ZBED6: variants seen among roughly 807,000 people sequenced by gnomAD.
ZBED6 encodes zinc finger BED-type containing 6.
ZBED6 carries 40 observed loss-of-function variants against 58.4 expected under a neutral mutation model. The ratio of observed to expected loss-of-function variants is 0.68; its 90% CI spans 0.53 to 0.89. ZBED6 has a LOEUF of 0.89. Among genes scored for constraint, ZBED6 ranks in the 40% least tolerant of loss-of-function variants. ZBED6 has a pLI of 0.00. For synonymous variants in ZBED6, 439 were observed against 350.6 expected, an observed-to-expected ratio of 1.25 and a Z score of -2.82; for missense variants, 1,057 against 1,003.9, an observed-to-expected ratio of 1.05 and a Z score of -0.71.
exon 17 of ZBED6, chr1:203,852,206 C>T (rs1020269845): frequency 3.1e-6 from 5 of 1,613,536 alleles, no homozygotes; most frequent in African/African-American, 1.3e-5. Context: ...GGCCCTTCCT[C>T]ATCCCAAATG....
intron 10 of ZBED6, 56 bp downstream of exon 10, chr1:203,838,120 G>A: frequency 1.3e-6 from 2 of 1,493,346 alleles, no homozygotes; most frequent in Non-Finnish European, 1.9e-6. Flanking sequence ...CTTGTGTCTT[G>A]TAATGCTAAC....
chr1:203,796,520 C>A (rs1283786279), exon 1 of ZBED6: 3 of 398,820 alleles, frequency 7.5e-6, no homozygotes, highest in Non-Finnish European at 1.3e-5. Flanking sequence ...TGGGGAAGGC[C>A]TATATTGTTG....
chr1:203,823,496 C>A (rs1460053015), intron 3 of ZBED6, among the ~76,000 whole-genome samples: 1 of 152,208 alleles, frequency 6.6e-6, no homozygotes, highest in Non-Finnish European at 1.5e-5. Context: ...AGATGTTCAG[C>A]ATTAACCATA....
rs746263006 is a variant in ZBED6, at chr1:203,849,678, G to C, written c.*4323-33G>C. ...ATCATACAGGTTATTAGAGGTACCA[G>C]ATTTTAATTCTGTCATTCAAATTTA... On this transcript the variant is annotated intron_variant, in intron 13 of 16. Coordinates refer to ENST00000550078, the Ensembl canonical transcript of ZBED6. 9 of 1,604,902 alleles carry C rather than the reference G, an allele frequency of 5.6e-6. No individual in the cohort carries two copies. In the South Asian group the frequency reaches 7.7e-5, roughly 14 times the overall value.
chr1:203,814,594 A>G (rs1675628963), intron 1 of ZBED6, among the ~76,000 whole-genome samples: 1 of 152,050 alleles, frequency 6.6e-6, no homozygotes, highest in South Asian at 2.1e-4. Flanking sequence ...CTGAAACCTC[A>G]CCATAAGTAC....
Position 203,837,954 on chromosome 1 carries a change from C to A in ZBED6, c.*3574-12C>A. 1 of 1,603,734 alleles carries A rather than the reference C, an allele frequency of 6.2e-7. No individual in the cohort carries two copies. The highest frequency in any genetic ancestry group is 1.3e-5 in the African/African-American group (1 of 74,446). ...GACTTGAAATCTTAAACTAAGTTCT[C>A]CCTCTTTATAGGCGGTGACAGTGAT... On this transcript the variant is annotated splice_polypyrimidine_tract_variant and intron_variant, in intron 9 of 16. Transcript: ENST00000550078.
intron 10 of ZBED6, among the ~76,000 whole-genome samples, chr1:203,838,472 G>A (rs1685059655): frequency 6.6e-6 from 1 of 152,252 alleles, no homozygotes; most frequent in African/African-American, 2.4e-5. Context: ...TCGAGAGCCA[G>A]AGACTGTGTC....
Position 203,797,416 on chromosome 1 carries a change from T to A in ZBED6, c.-107T>A. ...GGTCCAGTGGGAATTTGATTCCCCA[T>A]AGAAACTGGAGAAAAGGTAATGCAA... is the stretch of plus-strand genomic sequence containing the variant. On this transcript the variant is annotated 5_prime_UTR_variant, in exon 1 of 17. An upstream open reading frame in the 5' UTR loses its in-frame stop. Transcript: ENST00000550078. 1 of 1,134,262 alleles carries A rather than the reference T, an allele frequency of 8.8e-7. No homozygotes were observed. Among genetic ancestry groups the A allele is most frequent in the Non-Finnish European group, 1.2e-6 (1 of 842,442 alleles). 70.3% of individuals were successfully genotyped at this position (1,134,262 alleles called of 1,614,324 possible). A position where few individuals can be genotyped will look rare whatever the true frequency, so the allele number is the denominator to read the frequency against.
At chr1:203,811,822 C>CTTTTTTTTTTTTTTTTT (rs766087522) in intron 1 of ZBED6, among the ~76,000 whole-genome samples, 1 of 133,456 alleles carries the variant, frequency 7.5e-6, no homozygotes, top group African/African-American at 2.8e-5. Context: ...TTGTCTTTTT[C>CTTTTTTTTTTTTTTTTT]TTTTTTTTTT....
intron 1 of ZBED6, chr1:203,806,272 G>T: frequency 3.5e-6 from 1 of 287,576 alleles, no homozygotes. Context: ...ATCTTGAGTG[G>T]CTGTAAAGGA....
intron 12 of ZBED6, 56 bp downstream of exon 12, chr1:203,847,743 T>C (rs762925955): frequency 9.6e-6 from 15 of 1,563,142 alleles, no homozygotes; most frequent in Non-Finnish European, 1.3e-5. Flanking sequence ...TCCAGAGGAG[T>C]GTTCCGTGGG....
exon 17 of ZBED6, chr1:203,852,264 A>G: frequency 1.2e-6 from 2 of 1,612,864 alleles, no homozygotes; most frequent in Non-Finnish European, 1.7e-6. Flanking sequence ...GAAAGCCCCC[A>G]CTCTCTGTGG....
chr1:203,802,363 A>G (rs1670779781), exon 1 of ZBED6: 1 of 152,562 alleles, frequency 6.6e-6, no homozygotes, highest in Non-Finnish European at 1.5e-5. Flanking sequence ...CCAAATCTAA[A>G]GTCTTTTATA....
At chr1:203,797,576 A>G (rs1253696744) in exon 1 of ZBED6, 2 of 1,533,106 alleles carry the variant, frequency 1.3e-6, no homozygotes, top group Non-Finnish European at 1.7e-6. Context: ...CTGGCAGAAG[A>G]TGCAACACTT....
intron 3 of ZBED6, among the ~76,000 whole-genome samples, chr1:203,823,924 A>C (rs116243338): frequency 0.011 from 1,624 of 152,286 alleles, 21 homozygotes; most frequent in African/African-American, 0.037. Flanking sequence ...GGAAATAATC[A>C]GGATATATTG....
intron 1 of ZBED6, among the ~76,000 whole-genome samples, chr1:203,813,752 A>G (rs1395189548): frequency 2.0e-5 from 3 of 152,012 alleles, no homozygotes; most frequent in Non-Finnish European, 4.4e-5. Flanking sequence ...TTTGTTGGCA[A>G]TCCTTGGCAT....
intron 1 of ZBED6, among the ~76,000 whole-genome samples, chr1:203,811,649 C>T (rs1674521219): frequency 6.6e-6 from 1 of 152,220 alleles, no homozygotes; most frequent in East Asian, 1.9e-4. Flanking sequence ...GCTGAGACTA[C>T]AGTTGTGGGC....
chr1:203,851,026 T>C lies in ZBED6; in HGVS notation c.*4806-31T>C, dbSNP rs747975247. 1.9e-6 allele frequency: 3 copies of C among 1,610,764 alleles called. No homozygotes were observed. In the South Asian group the frequency reaches 3.3e-5, roughly 18 times the overall value. ...ATGCTCAAATTAAAAAGCCTGACTC[T>C]CACTGAATTACCTGACTCTTCCTTT... On this transcript the variant is annotated intron_variant, in intron 15 of 16. Transcript: ENST00000550078.
At chr1:203,833,539 AAAT>A (rs528391252) in intron 8 of ZBED6, among the ~76,000 whole-genome samples, 12 of 151,474 alleles carry the variant, frequency 7.9e-5, no homozygotes, top group African/African-American at 2.4e-4. Context: ...ATTATTATCA[AAAT>A]AATAATAATA....
Sources: allele counts gnomAD v4.1 joint callset (sites outside exome capture counted in the v4.1 genomes callset), GRCh38; gene constraint gnomAD v4.1.1; transcripts MANE v1.5; gene names NCBI Gene and HGNC (gene_info 2026-07-23, HGNC 2026-07-21).